Variants in HACE1 observed in about 807,000 individuals in gnomAD.
HACE1 encodes E3 ubiquitin-protein ligase HACE1.
In HACE1, 73 loss-of-function variants were observed where a neutral mutation model predicts 118.4. That is an observed-to-expected ratio of 0.62 (90% CI 0.51 to 0.75). HACE1 has a LOEUF of 0.75. Ranked by LOEUF, HACE1 falls within the 30% of genes least tolerant of loss-of-function variation. HACE1 has a pLI of 0.00. For synonymous variants in HACE1, 368 were observed against 374.8 expected (o/e 0.98, Z 0.21); for missense variants, 749 against 1,102.2 (o/e 0.68, Z 4.54).
intron 11 of HACE1, among the ~76,000 whole-genome samples, chr6:104,787,627 A>G (rs1045506436): frequency 1.3e-5 from 2 of 152,226 alleles, no homozygotes; most frequent in Non-Finnish European, 2.9e-5. Flanking sequence ...TAAAACCTAG[A>G]AAATCAACAC....
chr6:104,780,580 AT>A (rs903079721), intron 14 of HACE1: 91 of 189,920 alleles, frequency 4.8e-4, no homozygotes, highest in South Asian at 1.0e-3. Context: ...AGTACAAAGT[AT>A]TTTTTTTTCC....
intron 1 of HACE1, 114 bp from the exon 2 acceptor site, chr6:104,852,485 A>G (rs561687472): frequency 4.4e-5 from 30 of 687,050 alleles, no homozygotes; most frequent in Middle Eastern, 3.5e-4. Flanking sequence ...GGAGAGGAAG[A>G]AGGAGGAAAG....
intron 22 of HACE1, among the ~76,000 whole-genome samples, chr6:104,742,015 C>T (rs965563747): frequency 1.4e-5 from 2 of 147,882 alleles, no homozygotes; most frequent in African/African-American, 2.5e-5. Context: ...CACGTATCTA[C>T]AACTATCTGA....
At chr6:104,729,805 T>C (rs1775011447) in intron 23 of HACE1, 41 bp from the exon 24 acceptor site, 4 of 888,190 alleles carry the variant, frequency 4.5e-6, no homozygotes, top group South Asian at 1.3e-5. Context: ...AGGAAATCTA[T>C]AAAATTTCTG....
At position 104,783,135 on chromosome 6, in the gene HACE1, C is replaced by T. The variant is rs115889177; in HGVS notation, c.1566+951G>A. 7.0e-3 allele frequency among the ~76,000 whole-genome samples: 1,063 copies of T among 152,302 alleles called. 11 individuals are homozygous for T. Among genetic ancestry groups the T allele is most frequent in the African/African-American group, 0.023 (964 of 41,566 alleles). On this transcript the variant is annotated intron_variant, in intron 14 of 23. Coordinates refer to ENST00000262903, the MANE Select transcript of HACE1 (RefSeq NM_020771.4). Reference sequence around the variant, plus strand: ...TTTTACATACTTTTCGGTCTACATGCTCCAGCCCACATGGTGGCTAGAAAG... The same window carrying T: ...TTTTACATACTTTTCGGTCTACATGTTCCAGCCCACATGGTGGCTAGAAAG...
intron 11 of HACE1, 32 bp from the exon 12 acceptor site, chr6:104,785,351 A>T (rs376912562): frequency 3.1e-5 from 37 of 1,183,252 alleles, no homozygotes; most frequent in Non-Finnish European, 4.5e-5. Flanking sequence ...TTTAAACATC[A>T]TTCTTAAACT....
At chr6:104,781,948 T>C (rs942059442) in intron 14 of HACE1, among the ~76,000 whole-genome samples, 3 of 152,090 alleles carry the variant, frequency 2.0e-5, no homozygotes, top group African/African-American at 7.2e-5. Context: ...GACTAAATTG[T>C]CCAGGAAGGG....
chr6:104,854,963 C>T (rs1776577001), intron 1 of HACE1, among the ~76,000 whole-genome samples: 1 of 152,172 alleles, frequency 6.6e-6, no homozygotes, highest in Non-Finnish European at 1.5e-5. Flanking sequence ...CTATTAATAA[C>T]ATTTAAGAAC....
Position 104,784,495 on chromosome 6 carries a change from G to T in HACE1, c.1410-10C>A. On this transcript the variant is annotated splice_polypyrimidine_tract_variant and intron_variant, in intron 12 of 23. Coordinates refer to ENST00000262903, the MANE Select transcript of HACE1 (RefSeq NM_020771.4). ...ACGAGGTGAAGTCATTCTGTGGGGG[G>T]AAAACATCAATCAGAATACACAGGC... is the stretch of plus-strand genomic sequence containing the variant. 6.3e-7 allele frequency: 1 copy of T among 1,597,290 alleles called. No homozygotes were observed. The highest frequency in any genetic ancestry group is 8.6e-7 in the Non-Finnish European group (1 of 1,165,214).
chr6:104,855,581 T>TA (rs1361308842), intron 1 of HACE1, among the ~76,000 whole-genome samples: 1 of 152,172 alleles, frequency 6.6e-6, no homozygotes, highest in Non-Finnish European at 1.5e-5. Context: ...TTTATCCTCT[T>TA]ATATTTCTTT....
intron 5 of HACE1, among the ~76,000 whole-genome samples, chr6:104,837,446 A>G (rs1191410463): frequency 6.6e-6 from 1 of 152,224 alleles, no homozygotes; most frequent in Non-Finnish European, 1.5e-5. Context: ...GCAGAAAAAA[A>G]AGAGTAAACC....
intron 14 of HACE1, 143 bp downstream of exon 14, chr6:104,783,943 C>G (rs950710147): frequency 5.5e-5 from 36 of 651,636 alleles, no homozygotes; most frequent in South Asian, 4.6e-4. Flanking sequence ...TTGAAGAAAA[C>G]TTACTCCTCA....
intron 1 of HACE1, 103 bp downstream of exon 1, chr6:104,859,464 A>G (rs1160955280): frequency 1.1e-6 from 1 of 889,644 alleles, no homozygotes; most frequent in Non-Finnish European, 1.6e-6. Context: ...GCGTTTTCTC[A>G]GCTTTCAGTT....
At chr6:104,852,274 G>A in intron 2 of HACE1, 43 bp downstream of exon 2, 1 of 1,245,400 alleles carries the variant, frequency 8.0e-7, no homozygotes, top group Non-Finnish European at 1.2e-6. Flanking sequence ...TTAGAACAAT[G>A]TATGCTTCTT....
chr6:104,776,633 T>A, intron 17 of HACE1, 108 bp downstream of exon 17: 3 of 755,382 alleles, frequency 4.0e-6, no homozygotes, highest in South Asian at 1.4e-5. Context: ...AATAAGAATA[T>A]CCCACCTAGC....
At chr6:104,775,777 C>T (rs1199921814) in intron 17 of HACE1, among the ~76,000 whole-genome samples, 1 of 152,196 alleles carries the variant, frequency 6.6e-6, no homozygotes, top group Non-Finnish European at 1.5e-5. Context: ...CTGCCTAGCT[C>T]TACTGCAGCC....
At chr6:104,811,731 T>C (rs1470020826) in intron 6 of HACE1, among the ~76,000 whole-genome samples, 1 of 152,090 alleles carries the variant, frequency 6.6e-6, no homozygotes, top group Non-Finnish European at 1.5e-5. Flanking sequence ...GAACTAAAAT[T>C]TTAATTGTAT....
At position 104,797,314 on chromosome 6, in the gene HACE1, T is replaced by C. The variant is rs1769764938; in HGVS notation, c.618-289A>G. ...TAACTACTAGTCAGGCTTCTGCTTT[T>C]TTTTTTTTTCTTACATTCACTTCCT... On this transcript the variant is annotated intron_variant, in intron 7 of 23. Coordinates refer to ENST00000262903, the MANE Select transcript of HACE1 (RefSeq NM_020771.4). Among the ~76,000 whole-genome samples the C allele has an allele frequency of 3.3e-5, 5 of 151,992 alleles. No individual in the cohort carries two copies. The South Asian group carries it at 1.0e-3, about 32-fold the overall frequency.
chr6:104,731,807 TG>T (rs1775227516), intron 22 of HACE1: 1 of 151,762 alleles, frequency 6.6e-6, no homozygotes, highest in African/African-American at 2.4e-5. Context: ...ATACTGGATT[TG>T]GCAACGATTT....
Sources: gnomAD v4.1 joint callset for allele counts (sites outside exome capture counted in the v4.1 genomes callset) on GRCh38, gnomAD v4.1.1 for gene constraint, MANE v1.5 for transcripts, NCBI Gene and HGNC (gene_info 2026-07-23, HGNC 2026-07-21) for gene names.